Variants in CHCHD6 observed in about 807,000 individuals in gnomAD.
The protein encoded by CHCHD6 is coiled-coil-helix-coiled-coil-helix domain containing 6.
Under a neutral mutation model 32.3 loss-of-function variants are expected in CHCHD6, and 28 were observed. The ratio of observed to expected loss-of-function variants is 0.87; its 90% CI spans 0.64 to 1.19. CHCHD6 has a LOEUF of 1.19. Among genes scored for constraint, CHCHD6 ranks in the 50% most tolerant of loss-of-function variants. The probability of loss-of-function intolerance (pLI) is 0.00; values close to 1 mark genes in which losing one functional copy is unlikely to be tolerated. For missense variants in CHCHD6, 333 were observed against 307.0 expected (o/e 1.08, Z -0.63); for synonymous variants, 122 against 117.5 (o/e 1.04, Z -0.25).
intron 3 of CHCHD6, among the ~76,000 whole-genome samples, 198 bp from the exon 4 acceptor site, chr3:126,732,880 G>A (rs1935872393): frequency 6.6e-6 from 1 of 152,164 alleles, no homozygotes; most frequent in Admixed American, 6.5e-5. Context: ...TCTTGTCTGG[G>A]GAGCTGTCAC....
intron 6 of CHCHD6, among the ~76,000 whole-genome samples, chr3:126,926,373 G>T (rs1180000068): frequency 2.0e-5 from 3 of 152,234 alleles, no homozygotes; most frequent in Non-Finnish European, 4.4e-5. Context: ...AATGGAGGAA[G>T]AAATACCCCA....
intron 4 of CHCHD6, among the ~76,000 whole-genome samples, chr3:126,827,365 T>A (rs1193867708): frequency 4.6e-5 from 7 of 152,156 alleles, no homozygotes; most frequent in East Asian, 1.9e-4. Context: ...GGGAGACAGT[T>A]GATGTGGCCT....
intron 2 of CHCHD6, among the ~76,000 whole-genome samples, chr3:126,728,777 C>G (rs1045078072): frequency 6.6e-6 from 1 of 152,166 alleles, no homozygotes; most frequent in African/African-American, 2.4e-5. Context: ...TTGGTAAGTT[C>G]CAGCAGTTTA....
At chr3:126,817,442 C>T (rs889789669) in intron 4 of CHCHD6, among the ~76,000 whole-genome samples, 2 of 152,078 alleles carry the variant, frequency 1.3e-5, no homozygotes, top group Admixed American at 6.5e-5. Context: ...TTCCTTTCCC[C>T]ATCAGCTGAC....
At chr3:126,814,942 T>A (rs1226158240) in intron 4 of CHCHD6, among the ~76,000 whole-genome samples, 1 of 152,130 alleles carries the variant, frequency 6.6e-6, no homozygotes, top group Non-Finnish European at 1.5e-5. Flanking sequence ...TCCAGGTAGG[T>A]AATGTTGGAA....
intron 4 of CHCHD6, among the ~76,000 whole-genome samples, chr3:126,800,207 A>T (rs559703591): frequency 6.6e-6 from 1 of 152,340 alleles, no homozygotes; most frequent in South Asian, 2.1e-4. Context: ...CAACGATTGT[A>T]AGGATGTGAG....
chr3:126,925,696 C>T (rs930768561), intron 6 of CHCHD6, among the ~76,000 whole-genome samples: 8 of 152,212 alleles, frequency 5.3e-5, no homozygotes, highest in African/African-American at 1.9e-4. Flanking sequence ...GTGGTTTTCT[C>T]TTGGACGCTG....
intron 4 of CHCHD6, among the ~76,000 whole-genome samples, chr3:126,838,649 T>C (rs1029580730): frequency 9.2e-5 from 14 of 152,286 alleles, no homozygotes; most frequent in African/African-American, 3.4e-4. Flanking sequence ...TAGTTTCTTC[T>C]TCAGACTCAT....
At chr3:126,803,101 G>A (rs1220882685) in intron 4 of CHCHD6, among the ~76,000 whole-genome samples, 1 of 152,122 alleles carries the variant, frequency 6.6e-6, no homozygotes, top group Admixed American at 6.5e-5. Flanking sequence ...ACCAACCACT[G>A]CAAAAACATG....
intron 5 of CHCHD6, among the ~76,000 whole-genome samples, chr3:126,862,386 CT>C: frequency 7.1e-6 from 1 of 141,550 alleles, no homozygotes; most frequent in African/African-American, 2.7e-5. Context: ...TCACCACCTC[CT>C]CCTCCTCTAC....
At chr3:126,837,016 C>T (rs999404997) in intron 4 of CHCHD6, among the ~76,000 whole-genome samples, 2 of 152,210 alleles carry the variant, frequency 1.3e-5, no homozygotes, top group Admixed American at 1.3e-4. Flanking sequence ...CAGCCCTCCA[C>T]TAAAGGGAAT....
At chr3:126,833,255 C>T (rs990557970) in intron 4 of CHCHD6, among the ~76,000 whole-genome samples, 5 of 152,114 alleles carry the variant, frequency 3.3e-5, no homozygotes, top group Non-Finnish European at 5.9e-5. Context: ...AGTTTCCTTC[C>T]GAAGTTGGGG....
chr3:126,833,335 C>T (rs1940717103), intron 4 of CHCHD6, among the ~76,000 whole-genome samples: 1 of 152,220 alleles, frequency 6.6e-6, no homozygotes, highest in African/African-American at 2.4e-5. Context: ...GGCACGGGTA[C>T]AGACACTCAG....
At chr3:126,891,904 C>G (rs2077765686) in intron 5 of CHCHD6, among the ~76,000 whole-genome samples, 2 of 152,076 alleles carry the variant, frequency 1.3e-5, no homozygotes, top group Non-Finnish European at 2.9e-5. Flanking sequence ...CGACGGTGGC[C>G]CCGTGTTCTG....
chr3:126,884,902 G>C (rs1361931152), intron 5 of CHCHD6, among the ~76,000 whole-genome samples: 1 of 152,190 alleles, frequency 6.6e-6, no homozygotes, highest in South Asian at 2.1e-4. Flanking sequence ...GACTGCCGAC[G>C]TGTTGTTGGG....
chr3:126,777,456 T>C (rs1365952507), intron 4 of CHCHD6, among the ~76,000 whole-genome samples: 1 of 152,220 alleles, frequency 6.6e-6, no homozygotes, highest in Non-Finnish European at 1.5e-5. Flanking sequence ...CGCTTGTGTT[T>C]TGGGGCCATG....
chr3:126,761,481 A>G (rs938721944), intron 4 of CHCHD6, among the ~76,000 whole-genome samples: 6 of 152,190 alleles, frequency 3.9e-5, no homozygotes, highest in African/African-American at 1.4e-4. Context: ...TCAAGCTCAC[A>G]TTCTGCACAT....
chr3:126,949,578 TGCTGCCCGGACTGCCGCCGTGGAC>T (rs2078687405), intron 6 of CHCHD6: 3 of 156,416 alleles, frequency 1.9e-5, no homozygotes, highest in Non-Finnish European at 4.0e-5. Flanking sequence ...AAGGGAAGGC[TGCTGCCCGGACTGCCGCCGTGGAC>T]GGAAGGGAAG....
At chr3:126,715,368 A>C (rs1934959669) in intron 1 of CHCHD6, among the ~76,000 whole-genome samples, 1 of 152,130 alleles carries the variant, frequency 6.6e-6, no homozygotes, top group Non-Finnish European at 1.5e-5. Context: ...TGGCATATGG[A>C]GTATGCTCTA....
Sources: allele counts gnomAD v4.1 joint callset (sites outside exome capture counted in the v4.1 genomes callset), GRCh38; gene constraint gnomAD v4.1.1; transcripts MANE v1.5; gene names NCBI Gene and HGNC (gene_info 2026-07-23, HGNC 2026-07-21).